The following LLGL1 variants were observed in gnomAD, a reference collection of about 807,000 sequenced individuals.
The protein encoded by LLGL1 is LLGL scribble cell polarity complex component 1.
Under a neutral mutation model 110.6 loss-of-function variants are expected in LLGL1, and 58 were observed. That is an observed-to-expected ratio of 0.52 (90% CI 0.42 to 0.65). The LOEUF is 0.65. Ranked by LOEUF, LLGL1 falls within the 30% of genes least tolerant of loss-of-function variation. LLGL1 has a pLI of 0.00. For synonymous variants in LLGL1, 674 were observed against 607.2 expected, an observed-to-expected ratio of 1.11 and a Z score of -1.62; for missense variants, 1,229 against 1,462.1, an observed-to-expected ratio of 0.84 and a Z score of 2.60.
At chr17:18,234,599 A>G (rs1298729748) in intron 7 of LLGL1, 50 bp from the exon 8 acceptor site, 10 of 1,610,172 alleles carry the variant, frequency 6.2e-6, no homozygotes, top group Non-Finnish European at 8.5e-6. Context: ...GAATGGCAGA[A>G]TTGCTAAGAA....
In LLGL1 at chr17:18,241,891, ACCTGATATC is replaced by A; in HGVS notation, c.2777_2785del (p.Leu926_Ser928del). 6.2e-7 allele frequency: 1 copy of A among 1,613,152 alleles called. No individual in the cohort carries two copies. Among genetic ancestry groups the A allele is most frequent in the Non-Finnish European group, 8.5e-7 (1 of 1,179,228 alleles). Reference sequence around the variant, plus strand: ...CATTCTTCTGCCCACCCAGGCTTTTACCTGATATCCCCATCAGAATTTGAACGCTTCTCC... The same window carrying A: ...CATTCTTCTGCCCACCCAGGCTTTTACCCATCAGAATTTGAACGCTTCTCC... On this transcript the variant is annotated inframe_deletion, in exon 19 of 23. Coordinates refer to ENST00000316843, the MANE Select transcript of LLGL1 (RefSeq NM_004140.4).
At chr17:18,236,353 C>T in intron 11 of LLGL1, 1 of 499,298 alleles carries the variant, frequency 2.0e-6, no homozygotes. Context: ...TCCTGTTAAT[C>T]AGGGTGGTCA....
intron 22 of LLGL1, among the ~76,000 whole-genome samples, chr17:18,243,115 G>GTT (rs999613706): frequency 6.6e-6 from 1 of 151,982 alleles, no homozygotes; most frequent in African/African-American, 2.4e-5. Context: ...GTTTTGTTTT[G>GTT]TTTTGTTTTT....
intron 7 of LLGL1, 69 bp from the exon 8 acceptor site, chr17:18,234,580 G>C: frequency 6.2e-7 from 1 of 1,600,690 alleles, no homozygotes; most frequent in Non-Finnish European, 8.6e-7. Flanking sequence ...GCAGTGGAGG[G>C]CAGAGCAGGA....
rs1322957849 is a variant in LLGL1, at chr17:18,225,698, T to G, written c.16T>G (p.Phe6Val). The G allele has an allele frequency of 9.6e-7, 1 of 1,045,264 alleles. No homozygotes were observed. The highest frequency in any genetic ancestry group is 1.2e-6 in the Non-Finnish European group (1 of 859,566). The allele number at this position is 1,045,264 out of a possible 1,614,324, so 64.7% of individuals were successfully genotyped here. Reference sequence around the variant, plus strand: ...CGGGCGCAAGATGATGAAGTTTCGGTTCCGGCGGCAGGGCGCCGACCCGCA... The same window carrying G: ...CGGGCGCAAGATGATGAAGTTTCGGGTCCGGCGGCAGGGCGCCGACCCGCA... MMKFR[F>V]RRQGADPQRE... Residue 6 changes from phenylalanine to valine, a missense_variant, in exon 1 of 23, where the codon TTC becomes GTC. Physicochemically the swap from Phe to Val is conservative, Grantham distance 50. Transcript: ENST00000316843.
chr17:18,238,687 T>G (rs1024361347), intron 16 of LLGL1, 78 bp downstream of exon 16: 1 of 1,435,816 alleles, frequency 7.0e-7, no homozygotes, highest in Admixed American at 1.8e-5. Context: ...AGATGGGTGG[T>G]GGCAAGGGAG....
chr17:18,229,981 C>A lies in LLGL1; in HGVS notation c.122C>A (p.Ala41Asp). The change falls in exon 2 of 23, where the codon GCC becomes GAC. Residue 41 changes from alanine (A) to aspartate (D), a missense_variant. By Grantham distance (126) the Ala-to-Asp change is moderately radical. Coordinates refer to ENST00000316843, the MANE Select transcript of LLGL1 (RefSeq NM_004140.4). ...TTCCCCAATCAGCCCAGCGCCCTGG[C>A]CTTCGACCCGGAACTTCGCATCATG... ...HGFPNQPSAL[A>D]FDPELRIMAI... 2 of 1,612,264 alleles carry A rather than the reference C, an allele frequency of 1.2e-6. No individual in the cohort carries two copies. The highest frequency in any genetic ancestry group is 1.7e-6 in the Non-Finnish European group (2 of 1,179,712).
intron 22 of LLGL1, among the ~76,000 whole-genome samples, chr17:18,243,328 C>T (rs1346652978): frequency 3.9e-5 from 6 of 152,234 alleles, no homozygotes; most frequent in East Asian, 3.9e-4. Context: ...AGGATGGTCT[C>T]GATCTCCTGA....
chr17:18,230,088 G>A (rs2047534647), intron 2 of LLGL1, 50 bp downstream of exon 2: 8 of 1,387,334 alleles, frequency 5.8e-6, no homozygotes, highest in Non-Finnish European at 7.1e-6. Flanking sequence ...CCACCTGCCT[G>A]TAGTTCCCTG....
intron 6 of LLGL1, 29 bp downstream of exon 6, chr17:18,234,204 G>A: frequency 1.2e-6 from 2 of 1,600,970 alleles, no homozygotes; most frequent in African/African-American, 2.7e-5. Context: ...TGTCCCCTCA[G>A]CCTGGGCCCC....
At chr17:18,237,112 T>C in intron 13 of LLGL1, 173 bp downstream of exon 13, 2 of 621,348 alleles carry the variant, frequency 3.2e-6, no homozygotes, top group East Asian at 5.5e-5. Flanking sequence ...GGCCTGTCGC[T>C]GGGGGAACCA....
At position 18,241,521 on chromosome 17, in the gene LLGL1, G is replaced by A. The variant is rs374323156; in HGVS notation, c.2573G>A (p.Arg858His). 6.2e-6 allele frequency: 10 copies of A among 1,613,690 alleles called. No individual in the cohort carries two copies. The African/African-American group carries it at 6.7e-5, about 11-fold the overall frequency. Residue 858 changes from arginine (R) to histidine (H), a missense_variant, in exon 18 of 23, where the codon CGC becomes CAC. By Grantham distance (29) the Arg-to-His change is conservative (BLOSUM62 0). Transcript: ENST00000316843. The part of the protein sequence containing the change: ...KLTAHEGCRV[R>H]KVALATFASV... ...ACGGCCCATGAGGGCTGTCGTGTGC[G>A]CAAGGTGGCACTGGCCACGTTTGCC...
Position 18,235,158 on chromosome 17 carries a change from C to G in LLGL1, c.1130C>G (p.Pro377Arg). Residue 377 changes from proline to arginine, a missense_variant, in exon 10 of 23, where the codon CCT becomes CGT. Physicochemically the swap from Pro to Arg is moderately radical, Grantham distance 103 (BLOSUM62 -2). Coordinates refer to ENST00000316843, the MANE Select transcript of LLGL1 (RefSeq NM_004140.4). ...CTGGTGGTGCTGGACCTGCAGACTC[C>G]TGGCTGGCCAGCTGTGCCTGCCCCA... ...EELVVLDLQT[P>R]GWPAVPAPYL... 1 of 1,613,498 alleles carries G rather than the reference C, an allele frequency of 6.2e-7. No homozygotes were observed.
chr17:18,235,000 G>T lies in LLGL1; in HGVS notation c.1060+7G>T, dbSNP rs374778528. The T allele has an allele frequency of 6.4e-5, 104 of 1,613,132 alleles. No homozygotes were observed. The highest frequency in any genetic ancestry group is 8.1e-5 in the Non-Finnish European group (95 of 1,179,926). On this transcript the variant is annotated splice_region_variant and intron_variant, in intron 9 of 22. Coordinates refer to ENST00000316843, the MANE Select transcript of LLGL1 (RefSeq NM_004140.4). ...AGCACACGGCCCGAGGATGGTGCGT[G>T]CCCTGCCGTACCCTACCCTTTCCCA...
At chr17:18,235,675 G>A (rs1446548721) in intron 11 of LLGL1, 138 bp downstream of exon 11, 4 of 813,830 alleles carry the variant, frequency 4.9e-6, no homozygotes, top group Non-Finnish European at 7.6e-6. Context: ...CTTGCCCAAG[G>A]TGGTTTGGAA....
At chr17:18,241,114 C>G in intron 17 of LLGL1, 1 of 583,706 alleles carries the variant, frequency 1.7e-6, no homozygotes, top group East Asian at 2.9e-5. Context: ...TCTCACTGTG[C>G]CACACAAGGC....
chr17:18,241,267 G>A, intron 17 of LLGL1, 184 bp from the exon 18 acceptor site: 1 of 689,744 alleles, frequency 1.4e-6, no homozygotes, highest in Non-Finnish European at 2.4e-6. Flanking sequence ...GGGCCTGGGA[G>A]GTTTCTGGAG....
Position 18,237,746 on chromosome 17 carries a change from A to G in LLGL1, c.1877A>G (p.Tyr626Cys), listed in dbSNP as rs1392367069. The G allele has an allele frequency of 1.9e-6, 3 of 1,610,902 alleles. No homozygotes were observed. Among genetic ancestry groups the G allele is most frequent in the African/African-American group, 1.3e-5 (1 of 74,996 alleles). Residue 626 changes from tyrosine to cysteine, a missense_variant, in exon 14 of 23, where the codon TAC becomes TGC. Coordinates refer to ENST00000316843, the MANE Select transcript of LLGL1 (RefSeq NM_004140.4). ...GTSHGFGLFD[Y>C]QRKSPVLARC... ...AGTCATGGCTTTGGCCTCTTCGACT[A>G]CCAGCGCAAGAGCCCTGTGCTGGCC...
intron 17 of LLGL1, 102 bp from the exon 18 acceptor site, chr17:18,241,349 G>T: frequency 6.9e-7 from 1 of 1,452,842 alleles, no homozygotes; most frequent in Non-Finnish European, 9.2e-7. Flanking sequence ...GCATGCAGCT[G>T]GGCTTTGTGG....
Sources: gnomAD v4.1 joint callset for allele counts (sites outside exome capture counted in the v4.1 genomes callset) on GRCh38, gnomAD v4.1.1 for gene constraint, MANE v1.5 for transcripts, NCBI Gene and HGNC (gene_info 2026-07-23, HGNC 2026-07-21) for gene names.